Variants in EPS8L2 observed in about 807,000 individuals in gnomAD.
EPS8L2 encodes epidermal growth factor receptor kinase substrate 8-like protein 2.
In EPS8L2, 81 loss-of-function variants were observed where a neutral mutation model predicts 99.4. The observed-to-expected ratio is 0.82, with a 90% confidence interval of 0.68 to 0.98. The LOEUF is 0.98. Ranked by LOEUF, EPS8L2 falls within the 50% of genes least tolerant of loss-of-function variation. The pLI is 0.00. For missense variants in EPS8L2, 1,155 were observed against 968.8 expected (o/e 1.19, Z -2.55); for synonymous variants, 509 against 407.3 (o/e 1.25, Z -3.01).
chr11:715,629 T>G (rs1451953934), intron 4 of EPS8L2, among the ~76,000 whole-genome samples: 4 of 148,434 alleles, frequency 2.7e-5, no homozygotes, highest in South Asian at 2.1e-4. Context: ...TTTTTTTTTT[T>G]TTTTTTTTTG....
chr11:720,809 G>A (rs1862137854), intron 6 of EPS8L2, 21 bp from the exon 7 acceptor site: 8 of 1,543,330 alleles, frequency 5.2e-6, no homozygotes, highest in Admixed American at 2.0e-5. Context: ...CCTCCTGGCC[G>A]CCTGACGCCC....
chr11:722,151 G>A lies in EPS8L2; in HGVS notation c.1045G>A (p.Gly349Arg), dbSNP rs534711728. ...CGCGGAGCTCGTGCACTTCCTCTTC[G>A]GGCCTCTGGACCTGGTGCCTGGGGC... ...SAAELVHFLFGPLDLIVNTCS... is the reference protein window; with the variant it reads ...SAAELVHFLFRPLDLIVNTCS... Residue 349 changes from glycine to arginine, a missense_variant, in exon 12 of 21, where the codon GGG becomes AGG. Physicochemically the swap from Gly to Arg is moderately radical, Grantham distance 125. Coordinates refer to ENST00000318562, the MANE Select transcript of EPS8L2 (RefSeq NM_022772.4). 3.7e-6 allele frequency: 6 copies of A among 1,612,664 alleles called. No homozygotes were observed. The highest frequency in any genetic ancestry group is 2.2e-5 in the East Asian group (1 of 44,876).
chr11:717,623 A>G (rs892302273), intron 4 of EPS8L2, among the ~76,000 whole-genome samples: 1 of 152,230 alleles, frequency 6.6e-6, no homozygotes, highest in African/African-American at 2.4e-5. Flanking sequence ...TCATGCCTAT[A>G]ATCCCAGCAC....
rs990301056 is a variant in EPS8L2, at chr11:724,056, G to C, written c.1455-668G>C. On this transcript the variant is annotated intron_variant, in intron 15 of 20. Coordinates refer to ENST00000318562, the MANE Select transcript of EPS8L2 (RefSeq NM_022772.4). This position sits in a 1 kb window ranked among gnomAD's most constrained non-coding sequence, Gnocchi z 5.5. ...TTTCCACCCTTTGACTTCAGCTCCT[G>C]GTCTGTCCACCCTGGCCATGTCCTG... 2.0e-5 allele frequency among the ~76,000 whole-genome samples: 3 copies of C among 152,122 alleles called. No individual in the cohort carries two copies. The highest frequency in any genetic ancestry group is 7.2e-5 in the African/African-American group (3 of 41,420).
Position 710,611 on chromosome 11 carries a change from C to T in EPS8L2, c.165+125C>T. Reference sequence around the variant, plus strand: ...GGGCATGGTGGTGCCGGCCTGTAGGCCCTGCTACTGGGGAGGCTGAGGCGA... The same window carrying T: ...GGGCATGGTGGTGCCGGCCTGTAGGTCCTGCTACTGGGGAGGCTGAGGCGA... On this transcript the variant is annotated intron_variant, in intron 4 of 20. Coordinates refer to ENST00000318562, the MANE Select transcript of EPS8L2 (RefSeq NM_022772.4). 3.1e-6 allele frequency: 3 copies of T among 963,530 alleles called. No homozygotes were observed. The South Asian group carries it at 4.1e-5, about 13-fold the overall frequency. 59.7% of individuals were successfully genotyped at this position (963,530 alleles called of 1,614,324 possible).
chr11:722,214 C>T, intron 12 of EPS8L2, 49 bp downstream of exon 12: 3 of 1,590,632 alleles, frequency 1.9e-6, no homozygotes, highest in Non-Finnish European at 2.6e-6. Context: ...GCCCAGAGGC[C>T]TCTGCAGCAT....
At chr11:715,580 C>T (rs527676245) in intron 4 of EPS8L2, among the ~76,000 whole-genome samples, 1 of 149,034 alleles carries the variant, frequency 6.7e-6, no homozygotes, top group East Asian at 2.0e-4. Context: ...CTTCCACTTA[C>T]TGTGGGTTTT....
Position 724,122 on chromosome 11 carries a change from G to A in EPS8L2, c.1455-602G>A, listed in dbSNP as rs1049127187. 3.9e-5 allele frequency among the ~76,000 whole-genome samples: 6 copies of A among 152,136 alleles called. No individual in the cohort carries two copies. Among genetic ancestry groups the A allele is most frequent in the Admixed American group, 6.5e-5 (1 of 15,272 alleles). ...TTCATTTCCCTGAGCACCTGGACAC[G>A]GGAGCTGCCCTGATGACCAGGGCCA... On this transcript the variant is annotated intron_variant, in intron 15 of 20. Coordinates refer to ENST00000318562, the MANE Select transcript of EPS8L2 (RefSeq NM_022772.4). The surrounding 1 kb of genome is among the most constrained non-coding windows in gnomAD (Gnocchi z 5.5).
Position 725,850 on chromosome 11 carries a change from G to A in EPS8L2, c.1680+3G>A, listed in dbSNP as rs948421172. 6 of 1,381,844 alleles carry A rather than the reference G, an allele frequency of 4.3e-6. No homozygotes were observed. The Admixed American group carries it at 1.6e-4, about 38-fold the overall frequency. The allele number at this position is 1,381,844 out of a possible 1,614,324, so 85.6% of individuals were successfully genotyped here. On this transcript the variant is annotated splice_donor_region_variant and intron_variant, in intron 17 of 20. Coordinates refer to ENST00000318562, the MANE Select transcript of EPS8L2 (RefSeq NM_022772.4). ...ACGCCGGCGCCCCGTTCGAGCAGGT[G>A]AGCCCGCGGGGGTCCCTGGGGTCGC...
chr11:715,659 C>T (rs1313245882), intron 4 of EPS8L2, among the ~76,000 whole-genome samples: 2 of 125,166 alleles, frequency 1.6e-5, no homozygotes, highest in African/African-American at 6.1e-5. Flanking sequence ...CTTGCTCTGT[C>T]GCCCAGGCTG....
At chr11:715,974 T>A (rs1275745358) in intron 4 of EPS8L2, among the ~76,000 whole-genome samples, 1 of 145,996 alleles carries the variant, frequency 6.8e-6, no homozygotes, top group African/African-American at 2.5e-5. Flanking sequence ...TTATCTTTTT[T>A]TTTTTTTTTT....
chr11:714,195 C>T (rs1861958171), intron 4 of EPS8L2, among the ~76,000 whole-genome samples: 1 of 151,668 alleles, frequency 6.6e-6, no homozygotes, highest in African/African-American at 2.4e-5. Flanking sequence ...ATTAGGAATT[C>T]ACTGTGGAAG....
intron 1 of EPS8L2, among the ~76,000 whole-genome samples, chr11:706,972 G>A (rs1030476589): frequency 6.6e-6 from 1 of 152,056 alleles, no homozygotes; most frequent in Non-Finnish European, 1.5e-5. Context: ...GCTGCCTGGC[G>A]TTGCCCCTTG....
intron 3 of EPS8L2, chr11:709,898 T>G: frequency 1.9e-6 from 1 of 514,142 alleles, no homozygotes; most frequent in South Asian, 2.2e-5. Context: ...TCAGGCAGGA[T>G]AAGCCGCCAG....
At chr11:709,071 G>A in intron 1 of EPS8L2, 1 of 404,632 alleles carries the variant, frequency 2.5e-6, no homozygotes, top group South Asian at 3.5e-5. Context: ...TGCCCCCAGG[G>A]CCCTTGTCAG....
intron 9 of EPS8L2, 69 bp downstream of exon 9, chr11:721,421 G>C: frequency 6.6e-7 from 1 of 1,510,598 alleles, no homozygotes; most frequent in Admixed American, 2.2e-5. Context: ...GGTCCTTGCT[G>C]TCCCTCCGGC....
At position 727,025 on chromosome 11, in the gene EPS8L2, C is replaced by T; in HGVS notation, c.*44C>T. On this transcript the variant is annotated 3_prime_UTR_variant, in exon 21 of 21. Transcript: ENST00000318562. ...GGGGCCTGCGGAGGGGAAGCCCACC[C>T]ACAATGCATGGAGTATTATTTTTAT... The T allele has an allele frequency of 7.8e-7, 1 of 1,278,780 alleles. No individual in the cohort carries two copies. Among genetic ancestry groups the T allele is most frequent in the African/African-American group, 1.5e-5 (1 of 68,076 alleles). The allele number at this position is 1,278,780 out of a possible 1,614,324, so 79.2% of individuals were successfully genotyped here.
At chr11:713,312 T>C (rs1169336872) in intron 4 of EPS8L2, among the ~76,000 whole-genome samples, 1 of 152,224 alleles carries the variant, frequency 6.6e-6, no homozygotes, top group South Asian at 2.1e-4. Flanking sequence ...ACTCCAAACC[T>C]GTGAATCCCC....
chr11:726,735 A>T lies in EPS8L2; in HGVS notation c.2051A>T (p.Gln684Leu). 6.3e-7 allele frequency: 1 copy of T among 1,594,988 alleles called. No individual in the cohort carries two copies. The highest frequency in any genetic ancestry group is 8.5e-7 in the Non-Finnish European group (1 of 1,172,612). ...GVRVYSQLTM[Q>L]KAFLEKQQSG... ...CGCGTGTACAGCCAGCTCACCATGC[A>T]GAAGGCCTTCCTGGAGGTGAGCCCG... The change falls in exon 20 of 21, where the codon CAG becomes CTG. Residue 684 changes from glutamine (Q) to leucine (L), a missense_variant. Gln to Leu is a moderately radical substitution (Grantham distance 113). Coordinates refer to ENST00000318562, the MANE Select transcript of EPS8L2 (RefSeq NM_022772.4).
Sources: gnomAD v4.1 joint callset for allele counts (sites outside exome capture counted in the v4.1 genomes callset) on GRCh38, gnomAD v4.1.1 for gene constraint, Gnocchi (gnomAD v3.1) non-coding constraint, MANE v1.5 for transcripts, NCBI Gene and HGNC (gene_info 2026-07-23, HGNC 2026-07-21) for gene names.